Variants in VPS36 observed in about 807,000 individuals in gnomAD.
VPS36 encodes the protein vacuolar protein-sorting-associated protein 36.
VPS36 carries 31 observed loss-of-function variants against 63.5 expected under a neutral mutation model. That is an observed-to-expected ratio of 0.49 (90% CI 0.37 to 0.66). The LOEUF (loss-of-function observed/expected upper bound fraction) is 0.66. Ranked by LOEUF, VPS36 falls within the 30% of genes least tolerant of loss-of-function variation. The pLI is 0.00. For missense variants in VPS36, 338 were observed against 463.7 expected, an observed-to-expected ratio of 0.73 and a Z score of 2.49; for synonymous variants, 138 against 157.2, an observed-to-expected ratio of 0.88 and a Z score of 0.91.
intron 2 of VPS36, 30 bp downstream of exon 2, chr13:52,442,347 C>A (rs778860245): frequency 6.3e-7 from 1 of 1,590,278 alleles, no homozygotes; most frequent in Middle Eastern, 1.7e-4. Flanking sequence ...AAAATAAAAC[C>A]TACAACAGAT....
In VPS36 at chr13:52,414,137, A is replaced by G. The variant is rs1466660625; in HGVS notation, c.*1693T>C. The G allele has an allele frequency of 6.6e-6, 1 of 152,188 alleles. No individual in the cohort carries two copies. The highest frequency in any genetic ancestry group is 2.4e-5 in the African/African-American group (1 of 41,444). 9.4% of individuals were successfully genotyped at this position (152,188 alleles called of 1,614,324 possible). A position where few individuals can be genotyped will look rare whatever the true frequency, so the allele number is the denominator to read the frequency against. On this transcript the variant is annotated 3_prime_UTR_variant, in exon 14 of 14. Transcript: ENST00000378060. The stretch of plus-strand genomic sequence containing the variant: ...CTCACTCCAGCTGGTGAAACAGATT[A>G]TTTATCTTCATAATTTTAAAAGCCT...
chr13:52,426,155 T>C, intron 8 of VPS36, 89 bp from the exon 9 acceptor site: 1 of 1,490,878 alleles, frequency 6.7e-7, no homozygotes, highest in Non-Finnish European at 9.1e-7. Context: ...CACTCAATTA[T>C]GTCTACATAT....
rs1957977513 is a variant in VPS36, at chr13:52,414,601, T to C, written c.*1229A>G. ...TCCACCTTACCCACTGACAATGTCT[T>C]AGGGGTCCCAGAGTGTGAACCTGGG... On this transcript the variant is annotated 3_prime_UTR_variant, in exon 14 of 14. Coordinates refer to ENST00000378060, the MANE Select transcript of VPS36 (RefSeq NM_016075.4). 1 of 152,208 alleles carries C rather than the reference T, an allele frequency of 6.6e-6. No individual in the cohort carries two copies. The highest frequency in any genetic ancestry group is 1.5e-5 in the Non-Finnish European group (1 of 68,060). 9.4% of individuals were successfully genotyped at this position (152,208 alleles called of 1,614,324 possible). A position where few individuals can be genotyped will look rare whatever the true frequency, so the allele number is the denominator to read the frequency against.
chr13:52,423,468 C>A, intron 10 of VPS36, 106 bp downstream of exon 10: 1 of 970,414 alleles, frequency 1.0e-6, no homozygotes, highest in Admixed American at 1.8e-5. Context: ...CACAGTGCTT[C>A]TCAAAATAGC....
In VPS36 at chr13:52,415,268, GA is replaced by G. The variant is rs1957983303; in HGVS notation, c.*561del. ...AAATCATCACTTAAAAAAACAAAGA[GA>G]AACTAGATAGAATATATATAAATAT... On this transcript the variant is annotated 3_prime_UTR_variant, in exon 14 of 14. Coordinates refer to ENST00000378060, the MANE Select transcript of VPS36 (RefSeq NM_016075.4). 1 of 152,018 alleles carries G rather than the reference GA, an allele frequency of 6.6e-6. No homozygotes were observed. The highest frequency in any genetic ancestry group is 2.1e-4 in the South Asian group (1 of 4,818). 9.4% of individuals were successfully genotyped at this position (152,018 alleles called of 1,614,324 possible).
intron 1 of VPS36, among the ~76,000 whole-genome samples, chr13:52,444,774 G>A (rs1958321155): frequency 1.3e-5 from 2 of 151,774 alleles, no homozygotes; most frequent in South Asian, 4.1e-4. Flanking sequence ...TAGGATTATT[G>A]ATTATTTCAA....
intron 9 of VPS36, among the ~76,000 whole-genome samples, chr13:52,424,610 AAAACAAAC>A (rs762475827): frequency 1.3e-5 from 2 of 152,154 alleles, no homozygotes; most frequent in Middle Eastern, 3.2e-3. Flanking sequence ...CATGAAATTA[AAAACAAAC>A]AAACAAACAA....
intron 4 of VPS36, 56 bp downstream of exon 4, chr13:52,436,233 AC>A: frequency 8.5e-7 from 1 of 1,171,336 alleles, no homozygotes; most frequent in Non-Finnish European, 1.3e-6. Context: ...ACACACACAC[AC>A]ACACACACAC....
chr13:52,449,877 C>G, intron 1 of VPS36: 1 of 978,626 alleles, frequency 1.0e-6, no homozygotes, highest in Non-Finnish European at 1.2e-6. Context: ...AATTAGAAAA[C>G]AAAACAAAAA....
At chr13:52,427,605 T>C (rs1958115945) in intron 6 of VPS36, among the ~76,000 whole-genome samples, 1 of 144,438 alleles carries the variant, frequency 6.9e-6, no homozygotes, top group Non-Finnish European at 1.5e-5. Context: ...AGATTCTGTC[T>C]CAAAAAAAAA....
intron 10 of VPS36, among the ~76,000 whole-genome samples, chr13:52,418,315 A>G (rs1958012609): frequency 6.6e-6 from 1 of 152,074 alleles, no homozygotes; most frequent in Non-Finnish European, 1.5e-5. Context: ...AGTGGCTCAC[A>G]CCTGTAATCC....
chr13:52,426,998 T>C lies in VPS36; in HGVS notation c.630A>G (p.Thr210=), dbSNP rs775074505. The change falls in exon 8 of 14, where the codon ACA becomes ACG. Residue 210 remains threonine, a synonymous_variant. Coordinates refer to ENST00000378060, the MANE Select transcript of VPS36 (RefSeq NM_016075.4). ...NKIKDKQGDI[T]EDETIRFKSY... is the part of the protein sequence containing the mutation. ...AAAGCAACTTATTTACCTCATCTTC[T>C]GTGATGTCACCTTGTTTGTCTTTAA... is the stretch of plus-strand genomic sequence containing the variant. The C allele has an allele frequency of 1.4e-5, 22 of 1,612,180 alleles. No individual in the cohort carries two copies. The highest frequency in any genetic ancestry group is 1.9e-5 in the Non-Finnish European group (22 of 1,179,236).
intron 10 of VPS36, among the ~76,000 whole-genome samples, chr13:52,423,195 A>G (rs1958062812): frequency 6.6e-6 from 1 of 152,140 alleles, no homozygotes. Context: ...GGACTAATAC[A>G]CCCTGATTTG....
At chr13:52,418,141 C>T (rs920765230) in intron 10 of VPS36, 85 bp from the exon 11 acceptor site, 1 of 1,228,278 alleles carries the variant, frequency 8.1e-7, no homozygotes, top group Admixed American at 2.3e-5. Context: ...TACCATTTAT[C>T]AATAATTTTA....
chr13:52,422,159 C>T (rs918734061), intron 10 of VPS36, among the ~76,000 whole-genome samples: 1 of 152,128 alleles, frequency 6.6e-6, no homozygotes, highest in Non-Finnish European at 1.5e-5. Context: ...ATCATCTATT[C>T]TCTACCTCCA....
rs150816705 is a variant in VPS36 at position 52,436,218 on chromosome 13, AACACACACACACACACACACAC to A, written c.351+50_351+71del. The A allele has an allele frequency of 6.2e-6, 4 of 643,958 alleles. No homozygotes were observed. The African/African-American group carries it at 7.3e-5, about 12-fold the overall frequency. The allele number at this position is 643,958 out of a possible 1,614,324, so 39.9% of individuals were successfully genotyped here. ...ACCTTCCATCATATTAACAAGCCACAACACACACACACACACACACACACACACACACACACCTTTCTAGTAC... is the reference window on the plus strand; with the variant it reads ...ACCTTCCATCATATTAACAAGCCACAACACACACACACACCTTTCTAGTAC... On this transcript the variant is annotated intron_variant, in intron 4 of 13. Transcript: ENST00000378060.
chr13:52,415,945 A>T (rs370932525), intron 13 of VPS36, 22 bp from the exon 14 acceptor site: 5 of 1,612,828 alleles, frequency 3.1e-6, no homozygotes, highest in South Asian at 1.1e-5. Context: ...CAACAAAAAA[A>T]CCCCCACACA....
chr13:52,435,169 C>G (rs902527499), intron 4 of VPS36, among the ~76,000 whole-genome samples: 1 of 151,804 alleles, frequency 6.6e-6, no homozygotes, highest in African/African-American at 2.4e-5. Flanking sequence ...TGGGGTTTCT[C>G]CATATTGGTC....
At chr13:52,450,164 C>A in intron 1 of VPS36, 1 of 1,010,296 alleles carries the variant, frequency 9.9e-7, no homozygotes, top group Non-Finnish European at 1.2e-6. Context: ...CGCCCGGCGC[C>A]CGCAGACGGC....
Sources: gnomAD v4.1 joint callset for allele counts (sites outside exome capture counted in the v4.1 genomes callset) on GRCh38, gnomAD v4.1.1 for gene constraint, MANE v1.5 for transcripts, NCBI Gene and HGNC (gene_info 2026-07-23, HGNC 2026-07-21) for gene names.